Variants in MGAM observed in about 807,000 individuals in gnomAD.
MGAM encodes maltase-glucoamylase.
In MGAM, 253 loss-of-function variants were observed where a neutral mutation model predicts 358.8. The observed-to-expected ratio is 0.71, with a 90% CI of 0.64 to 0.78. The LOEUF is 0.78. Ranked by LOEUF, MGAM falls within the 30% of genes least tolerant of loss-of-function variation. The pLI is 0.00. For synonymous variants in MGAM, 1,105 were observed against 1,227.1 expected (o/e 0.90, Z 2.08); for missense variants, 3,080 against 3,432.6 (o/e 0.90, Z 2.57).
chr7:142,054,636 C>A, intron 26 of MGAM, 118 bp from the exon 27 acceptor site: 1 of 1,128,334 alleles, frequency 8.9e-7, no homozygotes, highest in Non-Finnish European at 1.3e-6. Flanking sequence ...TCTCAGATAT[C>A]ATAAAGAAGA....
At position 142,094,224 on chromosome 7, in the gene MGAM, C is replaced by T. The variant is rs532751531; in HGVS notation, c.7173-140C>T. 884 of 1,056,016 alleles carry T rather than the reference C, an allele frequency of 8.4e-4. 81 individuals are homozygous for T. Among genetic ancestry groups the T allele is most frequent in the Non-Finnish European group, 1.1e-3 (791 of 732,094 alleles). The allele number at this position is 1,056,016 out of a possible 1,614,324, so 65.4% of individuals were successfully genotyped here. A position where few individuals can be genotyped will look rare whatever the true frequency, so the allele number is the denominator to read the frequency against. On this transcript the variant is annotated intron_variant, in intron 60 of 70. Coordinates refer to ENST00000475668, the MANE Select transcript of MGAM (RefSeq NM_001365693.1). The stretch of plus-strand genomic sequence containing the variant: ...TCCATCATCTGGGATCAGTGGAGCC[C>T]CCATTACAGCTCAGAGTCCCGTGTT...
chr7:142,071,190 T>A, intron 44 of MGAM, 72 bp downstream of exon 44: 1 of 1,458,102 alleles, frequency 6.9e-7, no homozygotes. Context: ...TCTACCAAAA[T>A]GTAAGCATCA....
At position 142,082,206 on chromosome 7, in the gene MGAM, CA is replaced by C; in HGVS notation, c.6168del (p.Tyr2058ThrfsTer15). The C allele has an allele frequency of 6.4e-7, 1 of 1,554,222 alleles. No individual in the cohort carries two copies. Among genetic ancestry groups the C allele is most frequent in the South Asian group, 1.1e-5 (1 of 89,114 alleles). Reference sequence around the variant, plus strand: ...GGGATGTTCTCCCGAGACCAGCCCCCAGGGGTAAGGACAGAGCATTTGAGAT... The same window carrying C: ...GGGATGTTCTCCCGAGACCAGCCCCCGGGGTAAGGACAGAGCATTTGAGAT... ...TWGMFSRDQPPGYKKNSYGVH... is the reference protein window; with the variant it reads ...TWGMFSRDQPXGYKKNSYGVH... On this transcript the variant is annotated frameshift_variant, in exon 51 of 71. Transcript: ENST00000475668. LOFTEE classifies it high-confidence loss of function.
intron 59 of MGAM, among the ~76,000 whole-genome samples, chr7:142,092,944 T>C (rs191840761): frequency 6.1e-5 from 9 of 146,736 alleles, no homozygotes; most frequent in African/African-American, 1.7e-4. Flanking sequence ...GTGGAAATTA[T>C]TGGCTTGCCT....
rs530491452 is a variant in MGAM, at chr7:142,059,382, G to A, written c.3820-90G>A. 6 of 1,529,152 alleles carry A rather than the reference G, an allele frequency of 3.9e-6. No individual in the cohort carries two copies. The African/African-American group carries it at 4.1e-5, about 10-fold the overall frequency. The allele number at this position is 1,529,152 out of a possible 1,614,324, so 94.7% of individuals were successfully genotyped here. On this transcript the variant is annotated intron_variant, in intron 31 of 70. Transcript: ENST00000475668. ...GAATGCATCAACAAGAAGCTGTCTGGAATTCCACCATGGGTGGTGGAGGGT... is the reference window on the plus strand; with the variant it reads ...GAATGCATCAACAAGAAGCTGTCTGAAATTCCACCATGGGTGGTGGAGGGT...
At position 142,025,075 on chromosome 7, in the gene MGAM, A is replaced by G; in HGVS notation, c.908A>G (p.Gln303Arg). The G allele has an allele frequency of 6.2e-7, 1 of 1,613,728 alleles. No individual in the cohort carries two copies. Among genetic ancestry groups the G allele is most frequent in the Middle Eastern group, 1.7e-4 (1 of 6,058 alleles). Residue 303 changes from glutamine (Q) to arginine (R), a missense_variant, in exon 8 of 71, where the codon CAG becomes CGG. Physicochemically the swap from Gln to Arg is conservative, Grantham distance 43. This residue lies in a region of MGAM where 1,816 missense variants were observed against 1,840.5 expected (regional missense o/e 0.99). Coordinates refer to ENST00000475668, the MANE Select transcript of MGAM (RefSeq NM_001365693.1). The part of the protein sequence containing the change: ...NGNGTNLYGA[Q>R]TFFLCLEDAS... ...AACGGAACTAATTTGTATGGTGCGC[A>G]GACATTCTTCTTGTGCCTTGAAGAT... is the stretch of plus-strand genomic sequence containing the variant.
At chr7:142,056,120 AT>A (rs1458793514) in intron 29 of MGAM, 24 bp downstream of exon 29, 2 of 1,573,320 alleles carry the variant, frequency 1.3e-6, no homozygotes, top group South Asian at 2.3e-5. Flanking sequence ...CACCTCCCTT[AT>A]TTTGGGGGGA....
At chr7:142,061,815 A>G (rs1812232677) in intron 34 of MGAM, among the ~76,000 whole-genome samples, 1 of 152,218 alleles carries the variant, frequency 6.6e-6, no homozygotes, top group Non-Finnish European at 1.5e-5. Context: ...AACACTGAGT[A>G]TGTATTTTAT....
intron 3 of MGAM, among the ~76,000 whole-genome samples, chr7:142,009,099 T>C (rs903018561): frequency 1.3e-5 from 2 of 152,284 alleles, no homozygotes; most frequent in East Asian, 1.9e-4. Flanking sequence ...GTTCATGCCC[T>C]GTATGTCTCT....
In MGAM at chr7:142,054,652, A is replaced by C. The variant is rs1811311185; in HGVS notation, c.3160-102A>C. 7 of 1,235,058 alleles carry C rather than the reference A, an allele frequency of 5.7e-6. No homozygotes were observed. The Admixed American group carries it at 7.0e-5, about 12-fold the overall frequency. The allele number at this position is 1,235,058 out of a possible 1,614,324, so 76.5% of individuals were successfully genotyped here. A position where few individuals can be genotyped will look rare whatever the true frequency, so the allele number is the denominator to read the frequency against. On this transcript the variant is annotated intron_variant, in intron 26 of 70. Coordinates refer to ENST00000475668, the MANE Select transcript of MGAM (RefSeq NM_001365693.1). ...CTCAGATATCATAAAGAAGATAGAAACATAGCATCTGAACTTTGTGTCCAA... is the reference window on the plus strand; with the variant it reads ...CTCAGATATCATAAAGAAGATAGAACCATAGCATCTGAACTTTGTGTCCAA...
At chr7:142,049,144 T>C (rs1180740576) in intron 22 of MGAM, among the ~76,000 whole-genome samples, 1 of 152,180 alleles carries the variant, frequency 6.6e-6, no homozygotes, top group Admixed American at 6.5e-5. Flanking sequence ...TTTCACTTAG[T>C]ATAACGTCCT....
At chr7:142,070,638 A>G (rs1374346918) in intron 43 of MGAM, among the ~76,000 whole-genome samples, 3 of 145,754 alleles carry the variant, frequency 2.1e-5, no homozygotes, top group Non-Finnish European at 4.7e-5. Flanking sequence ...TCTGGCCCCA[A>G]ATCTCAATAG....
intron 44 of MGAM, among the ~76,000 whole-genome samples, chr7:142,072,386 G>A (rs993761045): frequency 4.8e-5 from 7 of 146,020 alleles, no homozygotes; most frequent in South Asian, 2.2e-4. Context: ...GAAACTTTAC[G>A]TTTCAGCAGC....
At chr7:142,045,487 AAT>A (rs1294294408) in intron 21 of MGAM, among the ~76,000 whole-genome samples, 1 of 111,936 alleles carries the variant, frequency 8.9e-6, no homozygotes, top group Non-Finnish European at 1.6e-5. Flanking sequence ...ATATACATAC[AAT>A]ATATGATATT....
At chr7:142,004,040 AAC>A (rs1367687482) in intron 1 of MGAM, among the ~76,000 whole-genome samples, 3 of 152,070 alleles carry the variant, frequency 2.0e-5, no homozygotes, top group Non-Finnish European at 4.4e-5. Flanking sequence ...GTCAAAAAAC[AAC>A]ACATATTGGG....
At chr7:141,992,608 G>C (rs782312553), upstream of MGAM, among the ~76,000 whole-genome samples, 7 of 152,016 alleles carry the variant, frequency 4.6e-5, no homozygotes, top group Non-Finnish European at 8.8e-5. Context: ...ATTGAGGCAG[G>C]CTCTCACTCT....
chr7:142,016,075 A>G (rs1805937256), intron 3 of MGAM, among the ~76,000 whole-genome samples: 1 of 152,158 alleles, frequency 6.6e-6, no homozygotes, highest in African/African-American at 2.4e-5. Flanking sequence ...ATGTTCATGG[A>G]TAAGACTCGG....
At chr7:142,040,348 G>C in intron 20 of MGAM, 177 bp downstream of exon 20, 1 of 609,342 alleles carries the variant, frequency 1.6e-6, no homozygotes, top group Non-Finnish European at 2.9e-6. Context: ...CATCAGTCAT[G>C]ATGAAATGTG....
At chr7:142,014,421 A>G (rs1456363094) in intron 3 of MGAM, among the ~76,000 whole-genome samples, 1 of 152,124 alleles carries the variant, frequency 6.6e-6, no homozygotes, top group Non-Finnish European at 1.5e-5. Flanking sequence ...GCAGTTCTAT[A>G]TTATTTTCTA....
Sources: gnomAD v4.1 joint callset for allele counts (sites outside exome capture counted in the v4.1 genomes callset) on GRCh38, gnomAD v4.1.1 for gene constraint, gnomAD v4.1.1 regional missense constraint, MANE v1.5 for transcripts, NCBI Gene and HGNC (gene_info 2026-07-23, HGNC 2026-07-21) for gene names.